KCNH7: variants seen among roughly 807,000 people sequenced by gnomAD.
KCNH7 encodes voltage-gated inwardly rectifying potassium channel KCNH7.
Under a neutral mutation model 120.8 loss-of-function variants are expected in KCNH7, and 49 were observed. That is an observed-to-expected ratio of 0.41 (90% CI 0.32 to 0.51). The LOEUF (loss-of-function observed/expected upper bound fraction) is 0.51, where lower values mean the gene tolerates loss of function less well. KCNH7 is among the 20% of genes least tolerant of loss of function. The pLI, the probability that KCNH7 is intolerant of heterozygous loss-of-function variation, is 0.38. For missense variants in KCNH7, 1,097 were observed against 1,446.6 expected (o/e 0.76, Z 3.92); for synonymous variants, 547 against 516.1 (o/e 1.06, Z -0.81).
At chr2:162,543,667 G>C (rs763423038) in intron 2 of KCNH7, among the ~76,000 whole-genome samples, 27 of 152,040 alleles carry the variant, frequency 1.8e-4, no homozygotes, top group Non-Finnish European at 3.1e-4. Flanking sequence ...CCTAGAATTG[G>C]ACAGACTTGG....
At chr2:162,468,367 A>G (rs1689377333) in intron 6 of KCNH7, among the ~76,000 whole-genome samples, 1 of 152,216 alleles carries the variant, frequency 6.6e-6, no homozygotes, top group Non-Finnish European at 1.5e-5. Context: ...TAAAGTTATC[A>G]AGAAAAAACA....
At chr2:162,720,912 C>T (rs1172482598) in intron 2 of KCNH7, among the ~76,000 whole-genome samples, 1 of 152,118 alleles carries the variant, frequency 6.6e-6, no homozygotes, top group African/African-American at 2.4e-5. Flanking sequence ...GCTCTACACA[C>T]TTTTATTTGT....
At chr2:162,580,944 T>G (rs1433605248) in intron 2 of KCNH7, among the ~76,000 whole-genome samples, 2 of 152,056 alleles carry the variant, frequency 1.3e-5, no homozygotes, top group Non-Finnish European at 2.9e-5. Context: ...GAACAAAACA[T>G]TTTGAAATGT....
At position 162,447,453 on chromosome 2, in the gene KCNH7, T is replaced by G. The variant is rs114519820; in HGVS notation, c.1129-1010A>C. On this transcript the variant is annotated intron_variant, in intron 6 of 15. Coordinates refer to ENST00000332142, the MANE Select transcript of KCNH7 (RefSeq NM_033272.4). ...TATGGGTTTTAAAAAGCTGAAATTT[T>G]GTAATGGCTCCACAAATGGCATAAA... 1.8e-3 allele frequency among the ~76,000 whole-genome samples: 276 copies of G among 152,230 alleles called. 2 individuals are homozygous for G. The highest frequency in any genetic ancestry group is 6.5e-3 in the African/African-American group (271 of 41,556).
At chr2:162,697,287 G>C (rs558343934) in intron 2 of KCNH7, among the ~76,000 whole-genome samples, 73 of 152,228 alleles carry the variant, frequency 4.8e-4, no homozygotes, top group African/African-American at 1.7e-3. Flanking sequence ...AGAGAATCAT[G>C]TTGCATTGTA....
chr2:162,638,610 C>T (rs1326894750), intron 2 of KCNH7, among the ~76,000 whole-genome samples: 3 of 151,940 alleles, frequency 2.0e-5, no homozygotes, highest in Admixed American at 6.6e-5. Context: ...TCGAAAGAAG[C>T]GTGATTAAAT....
At chr2:162,701,772 G>T (rs1686510518) in intron 2 of KCNH7, among the ~76,000 whole-genome samples, 2 of 152,148 alleles carry the variant, frequency 1.3e-5, no homozygotes. Flanking sequence ...ACTTCGGGAG[G>T]CCAAGGTGGG....
chr2:162,385,760 A>G (rs1686553817), intron 12 of KCNH7, among the ~76,000 whole-genome samples: 1 of 151,872 alleles, frequency 6.6e-6, no homozygotes, highest in Non-Finnish European at 1.5e-5. Flanking sequence ...CATTTTCTGG[A>G]GAAATGGTGA....
At chr2:162,762,786 A>AT (rs1689012027) in intron 2 of KCNH7, among the ~76,000 whole-genome samples, 1 of 152,082 alleles carries the variant, frequency 6.6e-6, no homozygotes. Context: ...TTGTCATGAG[A>AT]CATAAAGTTA....
intron 2 of KCNH7, among the ~76,000 whole-genome samples, chr2:162,601,931 A>G (rs1694571913): frequency 6.6e-6 from 1 of 152,106 alleles, no homozygotes; most frequent in African/African-American, 2.4e-5. Context: ...GATAAAAAGA[A>G]ATTATTACAA....
intron 6 of KCNH7, among the ~76,000 whole-genome samples, chr2:162,493,199 T>C (rs1690382029): frequency 6.6e-6 from 1 of 152,126 alleles, no homozygotes; most frequent in Non-Finnish European, 1.5e-5. Context: ...CTGAGTCCAG[T>C]AATTTCAATT....
intron 2 of KCNH7, among the ~76,000 whole-genome samples, chr2:162,632,682 C>T (rs933783350): frequency 4.6e-5 from 7 of 151,572 alleles, no homozygotes; most frequent in Non-Finnish European, 1.0e-4. Flanking sequence ...CAGAAAAAGA[C>T]CTATAAATAC....
intron 9 of KCNH7, among the ~76,000 whole-genome samples, chr2:162,415,167 CA>C (rs535621837): frequency 6.6e-6 from 1 of 151,124 alleles, no homozygotes; most frequent in Admixed American, 6.6e-5. Flanking sequence ...AAACAAAAAA[CA>C]AAAAAACAGC....
In KCNH7 at chr2:162,730,278, C is replaced by T. The variant is rs551857630; in HGVS notation, c.307+106259G>A. Among the ~76,000 whole-genome samples the T allele has an allele frequency of 1.4e-3, 216 of 149,704 alleles. 1 individual carries two copies. Among genetic ancestry groups the T allele is most frequent in the Middle Eastern group, 3.5e-3 (1 of 286 alleles). On this transcript the variant is annotated intron_variant, in intron 2 of 15. Coordinates refer to ENST00000332142, the MANE Select transcript of KCNH7 (RefSeq NM_033272.4). ...TGAAAATGCTTATGATTGAGGGTTT[C>T]CCAGAATTCTTGTGAAACATGAATT...
At chr2:162,425,301 T>A (rs1687823737) in intron 8 of KCNH7, among the ~76,000 whole-genome samples, 1 of 152,100 alleles carries the variant, frequency 6.6e-6, no homozygotes, top group Non-Finnish European at 1.5e-5. Context: ...GTCTATCTAG[T>A]ATCTACCTAT....
chr2:162,766,980 A>AG (rs1036536945), intron 2 of KCNH7, among the ~76,000 whole-genome samples: 5 of 151,944 alleles, frequency 3.3e-5, no homozygotes, highest in African/African-American at 1.2e-4. Flanking sequence ...CTTTAAAAAA[A>AG]TTTAACAATT....
At chr2:162,785,331 A>AT (rs1347958790) in intron 2 of KCNH7, among the ~76,000 whole-genome samples, 2 of 152,232 alleles carry the variant, frequency 1.3e-5, no homozygotes, top group African/African-American at 2.4e-5. Flanking sequence ...CCAGTTAGCA[A>AT]TATCTGTCCT....
rs113648461 is a variant in KCNH7 at position 162,425,951 on chromosome 2, T to C, written c.1955-2416A>G. 3.1e-3 allele frequency among the ~76,000 whole-genome samples: 477 copies of C among 152,184 alleles called. 1 individual carries two copies. Among genetic ancestry groups the C allele is most frequent in the African/African-American group, 0.011 (437 of 41,532 alleles). Reference sequence around the variant, plus strand: ...ATTTATGGTCAGGCGCGGTGGCTCATGCCTGTAATCCCAGCACTTTGGGAG... The same window carrying C: ...ATTTATGGTCAGGCGCGGTGGCTCACGCCTGTAATCCCAGCACTTTGGGAG... On this transcript the variant is annotated intron_variant, in intron 8 of 15. Coordinates refer to ENST00000332142, the MANE Select transcript of KCNH7 (RefSeq NM_033272.4).
intron 6 of KCNH7, among the ~76,000 whole-genome samples, chr2:162,491,921 G>T (rs536246977): frequency 1.3e-5 from 2 of 152,028 alleles, no homozygotes; most frequent in Non-Finnish European, 2.9e-5. Context: ...TCTTCTCTTC[G>T]TGGATGGGTA....
Sources: gnomAD v4.1 joint callset for allele counts (sites outside exome capture counted in the v4.1 genomes callset) on GRCh38, gnomAD v4.1.1 for gene constraint, MANE v1.5 for transcripts, NCBI Gene and HGNC (gene_info 2026-07-23, HGNC 2026-07-21) for gene names.